SGSM1: variants seen among roughly 807,000 people sequenced by gnomAD.
The protein encoded by SGSM1 is RUN and TBC1 domain containing 2.
In SGSM1, 73 loss-of-function variants were observed where a neutral mutation model predicts 133.8. That is an observed-to-expected ratio of 0.55 (90% CI 0.45 to 0.66). The LOEUF is 0.66. Ranked by LOEUF, SGSM1 falls within the 30% of genes least tolerant of loss-of-function variation. The pLI is 0.00. For synonymous variants in SGSM1, 563 were observed against 573.0 expected, an observed-to-expected ratio of 0.98 and a Z score of 0.25; for missense variants, 1,213 against 1,448.1, an observed-to-expected ratio of 0.84 and a Z score of 2.64.
chr22:24,812,367 G>A (rs1024837798), intron 2 of SGSM1, among the ~76,000 whole-genome samples: 2 of 152,136 alleles, frequency 1.3e-5, no homozygotes, highest in Non-Finnish European at 2.9e-5. Flanking sequence ...GAGGCAGAGA[G>A]ATGTTATGCA....
intron 15 of SGSM1, among the ~76,000 whole-genome samples, chr22:24,886,229 C>T (rs991604651): frequency 6.6e-6 from 1 of 151,744 alleles, no homozygotes; most frequent in Non-Finnish European, 1.5e-5. Context: ...GGTGAAACCC[C>T]GTCTCTACTA....
At chr22:24,840,896 G>C (rs1929750246) in intron 2 of SGSM1, among the ~76,000 whole-genome samples, 1 of 151,974 alleles carries the variant, frequency 6.6e-6, no homozygotes, top group Non-Finnish European at 1.5e-5. Context: ...TTTCACCCAG[G>C]CCGGACTGCA....
At chr22:24,890,160 G>C (rs1425421368) in intron 16 of SGSM1, among the ~76,000 whole-genome samples, 1 of 151,926 alleles carries the variant, frequency 6.6e-6, no homozygotes, top group East Asian at 1.9e-4. Flanking sequence ...GTTTTACCGT[G>C]TTAGATAGGA....
At chr22:24,891,667 A>G (rs1473167604) in intron 16 of SGSM1, among the ~76,000 whole-genome samples, 1 of 152,106 alleles carries the variant, frequency 6.6e-6, no homozygotes, top group Non-Finnish European at 1.5e-5. Flanking sequence ...ACATTAGGTG[A>G]GGTCCTTCCC....
intron 13 of SGSM1, among the ~76,000 whole-genome samples, chr22:24,877,026 C>T (rs146731392): frequency 0.012 from 1,751 of 152,224 alleles, 16 homozygotes; most frequent in African/African-American, 0.04. Flanking sequence ...CACTAAAGGG[C>T]CTGGGTGATG....
At chr22:24,911,115 G>A (rs1933599753) in intron 21 of SGSM1, among the ~76,000 whole-genome samples, 1 of 150,716 alleles carries the variant, frequency 6.6e-6, no homozygotes, top group Non-Finnish European at 1.5e-5. Context: ...AGACACCTGT[G>A]GTCCCAGCTA....
intron 16 of SGSM1, 57 bp downstream of exon 16, chr22:24,886,785 T>G: frequency 2.0e-6 from 3 of 1,526,466 alleles, no homozygotes; most frequent in South Asian, 1.2e-5. Context: ...CCAGATACTG[T>G]GGGGCTGGGG....
rs554853690 is a variant in SGSM1, at chr22:24,860,897, TAAAAAAAAAA to T, written c.926+1074_926+1083del. ...CCTGGGTGACAGAGCGAGACTGTCT[TAAAAAAAAAA>T]AAAAAAAAAAAAAAAATATATATAT... On this transcript the variant is annotated intron_variant, in intron 9 of 24. Transcript: ENST00000400358. 3.2e-3 allele frequency among the ~76,000 whole-genome samples: 139 copies of T among 43,840 alleles called. 1 individual carries two copies. The highest frequency in any genetic ancestry group is 7.7e-3 in the African/African-American group (92 of 11,988). The allele number at this position is 43,840 out of a possible 152,430, so 28.8% of individuals were successfully genotyped here.
chr22:24,850,499 A>AC, intron 5 of SGSM1, 67 bp downstream of exon 5: 1 of 1,571,112 alleles, frequency 6.4e-7, no homozygotes, highest in East Asian at 2.3e-5. Context: ...TGGAAATTGC[A>AC]CCCCCTGGCA....
intron 18 of SGSM1, among the ~76,000 whole-genome samples, chr22:24,895,871 C>A (rs1932902250): frequency 6.6e-6 from 1 of 152,076 alleles, no homozygotes; most frequent in South Asian, 2.1e-4. Context: ...CATGGCAAAA[C>A]CCTGTCTCTA....
chr22:24,807,178 C>T (rs1927452420), intron 2 of SGSM1, among the ~76,000 whole-genome samples: 1 of 152,092 alleles, frequency 6.6e-6, no homozygotes, highest in Non-Finnish European at 1.5e-5. Context: ...GTCTTTAGGG[C>T]TCATGGCCAA....
intron 18 of SGSM1, among the ~76,000 whole-genome samples, chr22:24,897,524 G>C (rs1417418907): frequency 6.6e-6 from 1 of 152,222 alleles, no homozygotes; most frequent in Non-Finnish European, 1.5e-5. Context: ...GAGTGCAGTG[G>C]CATGATGGTC....
rs181659434 is a variant in SGSM1, at chr22:24,882,119, C to G, written c.1496-1934C>G. Among the ~76,000 whole-genome samples the G allele has an allele frequency of 5.3e-5, 8 of 152,154 alleles. No homozygotes were observed. In the East Asian group the frequency reaches 1.5e-3, roughly 29 times the overall value. ...GAGACAGGGTCTCGCCTTGTCACCC[C>G]GGCTAGACGCAATTATGGTTCACTG... On this transcript the variant is annotated intron_variant, in intron 14 of 24. Coordinates refer to ENST00000400358, the MANE Select transcript of SGSM1 (RefSeq NM_001098497.3).
intron 18 of SGSM1, among the ~76,000 whole-genome samples, chr22:24,897,130 A>G (rs1932935811): frequency 1.3e-5 from 2 of 152,074 alleles, no homozygotes; most frequent in African/African-American, 2.4e-5. Flanking sequence ...CTGTAATCAC[A>G]GCACTCTGGG....
chr22:24,857,335 G>A (rs1930858808), intron 8 of SGSM1, among the ~76,000 whole-genome samples: 1 of 149,722 alleles, frequency 6.7e-6, no homozygotes, highest in African/African-American at 2.5e-5. Context: ...TTGAACCCAG[G>A]AGGTGGAGGC....
intron 3 of SGSM1, among the ~76,000 whole-genome samples, chr22:24,845,977 C>CTT (rs1418795382): frequency 6.9e-6 from 1 of 144,382 alleles, no homozygotes; most frequent in Non-Finnish European, 1.5e-5. Context: ...TTCTTTCTTT[C>CTT]TTTCTTTCTT....
chr22:24,812,981 A>T (rs1393715838), intron 2 of SGSM1, among the ~76,000 whole-genome samples: 5 of 152,196 alleles, frequency 3.3e-5, no homozygotes, highest in Non-Finnish European at 5.9e-5. Context: ...ATTAAAGGTA[A>T]CAAGAGCTCC....
chr22:24,811,227 C>T (rs758732280), intron 2 of SGSM1, among the ~76,000 whole-genome samples: 1 of 152,140 alleles, frequency 6.6e-6, no homozygotes, highest in Admixed American at 6.6e-5. Context: ...CCTCAGCCCA[C>T]CACCACTAGG....
At chr22:24,828,627 G>A (rs1330758055) in intron 2 of SGSM1, among the ~76,000 whole-genome samples, 1 of 152,156 alleles carries the variant, frequency 6.6e-6, no homozygotes, top group Non-Finnish European at 1.5e-5. Context: ...CACTTTTGGT[G>A]GGAGTGTAAA....
Sources: gnomAD v4.1 joint callset for allele counts (sites outside exome capture counted in the v4.1 genomes callset) on GRCh38, gnomAD v4.1.1 for gene constraint, MANE v1.5 for transcripts, NCBI Gene and HGNC (gene_info 2026-07-23, HGNC 2026-07-21) for gene names.